TGIF2: variants seen among roughly 807,000 people sequenced by gnomAD.
TGIF2 encodes the protein TGFB induced factor homeobox 2.
Under a neutral mutation model 15.1 loss-of-function variants are expected in TGIF2, and 5 were observed. That is an observed-to-expected ratio of 0.33 (90% CI 0.17 to 0.70). The LOEUF is 0.70. TGIF2 is among the 30% of genes least tolerant of loss of function. The pLI, the probability that TGIF2 is intolerant of heterozygous loss-of-function variation, is 0.67. For synonymous variants in TGIF2, 131 were observed against 128.9 expected, an observed-to-expected ratio of 1.02 and a Z score of -0.11; for missense variants, 264 against 302.5, an observed-to-expected ratio of 0.87 and a Z score of 0.94.
At chr20:36,581,674 C>A (rs2038549064) in intron 2 of TGIF2, among the ~76,000 whole-genome samples, 1 of 152,126 alleles carries the variant, frequency 6.6e-6, no homozygotes, top group Non-Finnish European at 1.5e-5. Flanking sequence ...GTCACCCAGG[C>A]TGGAAGTGCA....
intron 1 of TGIF2, among the ~76,000 whole-genome samples, chr20:36,578,452 G>A (rs1569531937): frequency 6.6e-6 from 1 of 151,692 alleles, no homozygotes; most frequent in Non-Finnish European, 1.5e-5. Flanking sequence ...CAAATGCTTA[G>A]TACCGAACAT....
Position 36,591,075 on chromosome 20 carries a change from G to A in TGIF2, c.358G>A (p.Ala120Thr). ...SPSVLAVSVP[A>T]PTNVLSLSVC... The stretch of plus-strand genomic sequence containing the variant: ...CTCAGTGCTGGCTGTGTCTGTCCCA[G>A]CCCCCACCAATGTGCTCTCCCTGTC... Residue 120 changes from alanine (A) to threonine (T), a missense_variant, in exon 3 of 3, where the codon GCC (alanine) becomes ACC (threonine). By Grantham distance (58) the Ala-to-Thr change is moderately conservative. Transcript: ENST00000373872. The surrounding 1 kb of genome is among the most constrained non-coding windows in gnomAD (Gnocchi z 5.3). The A allele has an allele frequency of 6.3e-7, 1 of 1,597,676 alleles. No individual in the cohort carries two copies. Among genetic ancestry groups the A allele is most frequent in the Non-Finnish European group, 8.6e-7 (1 of 1,167,662 alleles).
At chr20:36,588,071 A>T (rs1313258098) in intron 2 of TGIF2, among the ~76,000 whole-genome samples, 2 of 126,970 alleles carry the variant, frequency 1.6e-5, no homozygotes, top group South Asian at 2.4e-4. Context: ...CCCTGTCTTT[A>T]AAAAAAAAAA....
chr20:36,577,522 T>G (rs192984266), intron 1 of TGIF2, among the ~76,000 whole-genome samples: 1 of 146,726 alleles, frequency 6.8e-6, no homozygotes, highest in East Asian at 2.0e-4. Flanking sequence ...TTGTTTGTTT[T>G]TGTTTTTTTT....
intron 1 of TGIF2, among the ~76,000 whole-genome samples, chr20:36,578,526 G>T (rs1257940509): frequency 7.9e-5 from 12 of 152,178 alleles, no homozygotes; most frequent in Non-Finnish European, 1.6e-4. Context: ...TTGTGAATGA[G>T]CTGCCATTCG....
chr20:36,588,762 CTT>C (rs1283042847), intron 2 of TGIF2, among the ~76,000 whole-genome samples: 2 of 152,152 alleles, frequency 1.3e-5, no homozygotes, highest in Non-Finnish European at 2.9e-5. Flanking sequence ...CTGGTGCTGT[CTT>C]TGAGTCACCT....
intron 2 of TGIF2, among the ~76,000 whole-genome samples, chr20:36,587,358 G>A (rs745816417): frequency 2.0e-5 from 3 of 152,180 alleles, no homozygotes; most frequent in Non-Finnish European, 2.9e-5. Context: ...GGGGCTAGGT[G>A]CCCACACAGA....
rs1464542359 is a variant in TGIF2 at position 36,591,171 on chromosome 20, G to T, written c.454G>T (p.Glu152Ter). The stretch of plus-strand genomic sequence containing the variant: ...AGCCCCTTTCCCACGTGGGGAGCTG[G>T]AGTCTCCCAAGCCCCTGGTGACCCC... Reference protein sequence around the residue: ...PAAPFPRGELESPKPLVTPGS... With the variant: ...PAAPFPRGEL Residue 152 changes from glutamate (E) to a stop codon, truncating the protein, a stop_gained, in exon 3 of 3, where the codon GAG (glutamate) becomes TAG (stop). Transcript: ENST00000373872. LOFTEE classifies it high-confidence loss of function. This position sits in a 1 kb window ranked among gnomAD's most constrained non-coding sequence, Gnocchi z 5.3. 1 of 1,614,172 alleles carries T rather than the reference G, an allele frequency of 6.2e-7. No homozygotes were observed. The highest frequency in any genetic ancestry group is 8.5e-7 in the Non-Finnish European group (1 of 1,179,994).
intron 1 of TGIF2, among the ~76,000 whole-genome samples, chr20:36,576,223 G>A (rs895148503): frequency 1.3e-5 from 2 of 152,206 alleles, no homozygotes; most frequent in Non-Finnish European, 2.9e-5. Flanking sequence ...AGGTGAAGAG[G>A]GGACTCAAGC....
chr20:36,586,030 G>A (rs1200967116), intron 2 of TGIF2, among the ~76,000 whole-genome samples: 1 of 152,198 alleles, frequency 6.6e-6, no homozygotes, highest in Non-Finnish European at 1.5e-5. Context: ...GGAACCTGGT[G>A]CAGAGGCTGT....
At chr20:36,586,111 C>T (rs1826563934) in intron 2 of TGIF2, among the ~76,000 whole-genome samples, 1 of 152,190 alleles carries the variant, frequency 6.6e-6, no homozygotes, top group South Asian at 2.1e-4. Context: ...GAGCTGCTCT[C>T]CTCTGGCTCC....
intron 1 of TGIF2, among the ~76,000 whole-genome samples, chr20:36,577,747 C>T (rs1250684236): frequency 1.3e-5 from 2 of 152,002 alleles, no homozygotes; most frequent in African/African-American, 2.4e-5. Context: ...ATCTCTTGAC[C>T]TCGTGATCTG....
In TGIF2 at chr20:36,593,932, T is replaced by G. The variant is rs1395557491; in HGVS notation, c.*2501T>G. ...GTCTTTTGTCAAATAAAATTTTTTT[T>G]TGTTTTTTTAAGCAGAAACAGGGTT... On this transcript the variant is annotated 3_prime_UTR_variant, in exon 3 of 3. Transcript: ENST00000373872. 6.6e-6 allele frequency: 1 copy of G among 152,624 alleles called. No homozygotes were observed. Among genetic ancestry groups the G allele is most frequent in the Non-Finnish European group, 1.5e-5 (1 of 68,034 alleles). The allele number at this position is 152,624 out of a possible 1,614,324, so 9.5% of individuals were successfully genotyped here.
chr20:36,592,219 A>G lies in TGIF2; in HGVS notation c.*788A>G, dbSNP rs2038780960. On this transcript the variant is annotated 3_prime_UTR_variant, in exon 3 of 3. Coordinates refer to ENST00000373872, the MANE Select transcript of TGIF2 (RefSeq NM_021809.7). ...GCGCATTGGCTTGTCTGCCGCAGGC[A>G]CAGAAGGGTAGAAAGCCACAGCAGG... The G allele has an allele frequency of 6.6e-6, 1 of 151,876 alleles. No homozygotes were observed. The highest frequency in any genetic ancestry group is 1.5e-5 in the Non-Finnish European group (1 of 67,972). The allele number at this position is 151,876 out of a possible 1,614,324, so 9.4% of individuals were successfully genotyped here.
chr20:36,585,759 C>T (rs1355328349), intron 2 of TGIF2, among the ~76,000 whole-genome samples: 1 of 152,152 alleles, frequency 6.6e-6, no homozygotes, highest in Non-Finnish European at 1.5e-5. Flanking sequence ...ATCCTCTAAG[C>T]CCAATTTATT....
intron 2 of TGIF2, among the ~76,000 whole-genome samples, chr20:36,587,754 A>T (rs2038689279): frequency 6.6e-6 from 1 of 152,162 alleles, no homozygotes; most frequent in African/African-American, 2.4e-5. Context: ...TGAATGAATA[A>T]TTAGATATGA....
chr20:36,576,027 G>A (rs2038420911), intron 1 of TGIF2, among the ~76,000 whole-genome samples: 1 of 151,718 alleles, frequency 6.6e-6, no homozygotes, highest in African/African-American at 2.4e-5. Context: ...GGGAGATGGA[G>A]ATTGCAGTGA....
intron 2 of TGIF2, among the ~76,000 whole-genome samples, chr20:36,583,877 A>G (rs2038597203): frequency 1.3e-5 from 2 of 152,162 alleles, no homozygotes; most frequent in Admixed American, 6.6e-5. Flanking sequence ...AGCCGGGGCA[A>G]CAGACTGAGA....
At chr20:36,585,311 A>G (rs991968730) in intron 2 of TGIF2, among the ~76,000 whole-genome samples, 4 of 151,992 alleles carry the variant, frequency 2.6e-5, no homozygotes, top group African/African-American at 9.7e-5. Flanking sequence ...CAGTCTGACC[A>G]ATGTGGTGAA....
Sources: gnomAD v4.1 joint callset for allele counts (sites outside exome capture counted in the v4.1 genomes callset) on GRCh38, gnomAD v4.1.1 for gene constraint, Gnocchi (gnomAD v3.1) non-coding constraint, MANE v1.5 for transcripts, NCBI Gene and HGNC (gene_info 2026-07-23, HGNC 2026-07-21) for gene names.